Variants in MCM5 observed in about 807,000 individuals in gnomAD.
MCM5 encodes the protein minichromosome maintenance complex component 5, also known as DNA replication licensing factor MCM5.
Under a neutral mutation model 79.9 loss-of-function variants are expected in MCM5, and 46 were observed. The observed-to-expected ratio is 0.58, with a 90% CI of 0.45 to 0.74. MCM5 has a LOEUF of 0.74. Among genes scored for constraint, MCM5 ranks in the 30% least tolerant of loss-of-function variants. MCM5 has a pLI of 0.00. For synonymous variants in MCM5, 404 were observed against 390.5 expected (o/e 1.03, Z -0.41); for missense variants, 883 against 1,017.0 (o/e 0.87, Z 1.79).
chr22:35,437,699 G>A, the MCM5 span, among the ~76,000 whole-genome samples: 779 of 152,208 alleles, frequency 5.1e-3, 32 homozygotes, highest in Admixed American at 0.046. Flanking sequence ...GCCATGAGTC[G>A]GGGTGTCACA....
At position 35,419,903 on chromosome 22, in the gene MCM5, T is replaced by C. The variant is rs773967568; in HGVS notation, c.1723T>C (p.Ser575Pro). The C allele has an allele frequency of 2.2e-5, 36 of 1,612,454 alleles. No individual in the cohort carries two copies. In the South Asian group the frequency reaches 3.9e-4, roughly 17 times the overall value. ...CTGCAGGAAGTGTGGCCCCCGGCTGTCAGCAGAGGCTGCAGAGAAACTGAA... is the reference window on the plus strand; with the variant it reads ...CTGCAGGAAGTGTGGCCCCCGGCTGCCAGCAGAGGCTGCAGAGAAACTGAA... The part of the protein sequence containing the change: ...YCRVKCGPRL[S>P]AEAAEKLKNR... Residue 575 changes from serine to proline, a missense_variant, in exon 14 of 17, where the codon TCA becomes CCA. Around this residue, in one of 3 missense-constraint regions of MCM5, gnomAD observed 426 missense variants for 482.3 expected, o/e 0.88. Coordinates refer to ENST00000216122, the MANE Select transcript of MCM5 (RefSeq NM_006739.4).
At chr22:35,411,038 G>A (rs1057463108) in intron 7 of MCM5, 128 bp downstream of exon 7, 11 of 818,124 alleles carry the variant, frequency 1.3e-5, no homozygotes, top group East Asian at 8.2e-5. Context: ...TCATTAGAAC[G>A]TTCATTTTTA....
downstream of MCM5, among the ~76,000 whole-genome samples, chr22:35,427,520 G>A (rs1351740943): frequency 3.3e-5 from 5 of 149,494 alleles, no homozygotes; most frequent in Non-Finnish European, 7.4e-5. Flanking sequence ...TGGCTTTCAA[G>A]GCCTTTATTT....
chr22:35,424,332 C>A lies in MCM5; in HGVS notation c.*77C>A. 2 of 1,061,806 alleles carry A rather than the reference C, an allele frequency of 1.9e-6. No homozygotes were observed. The highest frequency in any genetic ancestry group is 1.6e-5 in the South Asian group (1 of 63,752). The allele number at this position is 1,061,806 out of a possible 1,614,324, so 65.8% of individuals were successfully genotyped here. The stretch of plus-strand genomic sequence containing the variant: ...CCGCTGCCTGCCATTGACAATGTTG[C>A]TGGGACCTCTGCCTCCCCACTGCAG... On this transcript the variant is annotated 3_prime_UTR_variant, in exon 17 of 17. Transcript: ENST00000216122.
At chr22:35,439,368 TATTC>T in the MCM5 span, among the ~76,000 whole-genome samples, 15 of 143,986 alleles carry the variant, frequency 1.0e-4, no homozygotes, top group Non-Finnish European at 2.1e-4. Flanking sequence ...TTCACCCACA[TATTC>T]ATCCATCTAT....
intron 14 of MCM5, among the ~76,000 whole-genome samples, chr22:35,420,302 C>A (rs1274464436): frequency 6.6e-6 from 1 of 152,200 alleles, no homozygotes. Context: ...GCCTGGGAGT[C>A]AAGAGTCTTG....
At chr22:35,436,182 AAG>A in the MCM5 span, among the ~76,000 whole-genome samples, 4 of 151,298 alleles carry the variant, frequency 2.6e-5, no homozygotes, top group African/African-American at 9.7e-5. Flanking sequence ...AAAAAAAAAA[AAG>A]AAAAAAAGAA....
At chr22:35,403,941 C>A (rs75216270) in intron 4 of MCM5, among the ~76,000 whole-genome samples, 10 of 146,582 alleles carry the variant, frequency 6.8e-5, no homozygotes, top group African/African-American at 1.0e-4. Flanking sequence ...AAAAACAAAA[C>A]AAAAAAAAAA....
At chr22:35,419,825 G>T (rs1369152110) in intron 13 of MCM5, 59 bp from the exon 14 acceptor site, 13 of 1,529,090 alleles carry the variant, frequency 8.5e-6, no homozygotes, top group Non-Finnish European at 8.8e-6. Flanking sequence ...TGGGGGAAAG[G>T]GTAGGTGCCC....
intron 5 of MCM5, among the ~76,000 whole-genome samples, chr22:35,407,051 A>G (rs536284656): frequency 6.6e-6 from 1 of 152,330 alleles, no homozygotes; most frequent in South Asian, 2.1e-4. Context: ...TCACTAGGCC[A>G]GATCTAGCCT....
intron 2 of MCM5, among the ~76,000 whole-genome samples, chr22:35,402,235 C>T (rs951196930): frequency 2.0e-5 from 3 of 151,700 alleles, no homozygotes; most frequent in African/African-American, 7.3e-5. Context: ...GAAACCCAGG[C>T]TCTATTTAAA....
At position 35,413,870 on chromosome 22, in the gene MCM5, C is replaced by T. The variant is rs1315318574; in HGVS notation, c.1092-5C>T. On this transcript the variant is annotated splice_region_variant and splice_polypyrimidine_tract_variant and intron_variant, in intron 8 of 16. Transcript: ENST00000216122. ...CACCTTGTCCATCTACCCTTCGTCC[C>T]CCAGGCTCCCTGATGGACTTACTCG... The T allele has an allele frequency of 5.1e-6, 8 of 1,576,966 alleles. No individual in the cohort carries two copies. Among genetic ancestry groups the T allele is most frequent in the Middle Eastern group, 3.3e-4 (2 of 6,032 alleles).
Position 35,419,896 on chromosome 22 carries a change from C to T in MCM5, c.1716C>T (p.Pro572=). 2 of 1,612,164 alleles carry T rather than the reference C, an allele frequency of 1.2e-6. No homozygotes were observed. Among genetic ancestry groups the T allele is most frequent in the Middle Eastern group, 1.7e-4 (1 of 6,056 alleles). ...FIAYCRVKCG[P]RLSAEAAEKL... ...CACTGTCCTGCAGGAAGTGTGGCCC[C>T]CGGCTGTCAGCAGAGGCTGCAGAGA... is the stretch of plus-strand genomic sequence containing the variant. Residue 572 remains proline (P), a synonymous_variant, in exon 14 of 17, where the codon CCC becomes CCT. Coordinates refer to ENST00000216122, the MANE Select transcript of MCM5 (RefSeq NM_006739.4).
the MCM5 span, among the ~76,000 whole-genome samples, chr22:35,446,804 C>G: frequency 6.8e-6 from 1 of 147,498 alleles, no homozygotes; most frequent in Non-Finnish European, 1.5e-5. Context: ...GCATCTTCAT[C>G]ACCCAAATCC....
chr22:35,414,118 G>T, intron 9 of MCM5, 132 bp downstream of exon 9: 1 of 634,364 alleles, frequency 1.6e-6, no homozygotes. Context: ...TCTTGGCTGC[G>T]GTCAGGATGG....
chr22:35,425,378 G>C lies in MCM5; in HGVS notation c.*1123G>C, dbSNP rs1049079105. 1 of 152,170 alleles carries C rather than the reference G, an allele frequency of 6.6e-6. No homozygotes were observed. The highest frequency in any genetic ancestry group is 1.5e-5 in the Non-Finnish European group (1 of 68,032). 9.4% of individuals were successfully genotyped at this position (152,170 alleles called of 1,614,324 possible). On this transcript the variant is annotated 3_prime_UTR_variant, in exon 17 of 17. Transcript: ENST00000216122. Reference sequence around the variant, plus strand: ...AGTAATTGCCATGTAAAAATGACACGAACTTGAAGTAAGATTATTTGATTT... The same window carrying C: ...AGTAATTGCCATGTAAAAATGACACCAACTTGAAGTAAGATTATTTGATTT...
intron 6 of MCM5, 140 bp downstream of exon 6, chr22:35,408,703 GTGC>G: frequency 1.2e-6 from 1 of 818,922 alleles, no homozygotes; most frequent in Non-Finnish European, 1.9e-6. Flanking sequence ...CACCTGCTCT[GTGC>G]CTAATGCTTC....
At chr22:35,400,402 C>T in intron 1 of MCM5, 29 bp from the exon 2 acceptor site, 2 of 1,613,422 alleles carry the variant, frequency 1.2e-6, no homozygotes, top group South Asian at 1.1e-5. Context: ...CTGCCCCCAG[C>T]CTGTTCTGGC....
the MCM5 span, among the ~76,000 whole-genome samples, chr22:35,438,935 C>CTA: frequency 6.7e-6 from 1 of 149,660 alleles, no homozygotes; most frequent in African/African-American, 2.5e-5. Flanking sequence ...ATCCATCCAT[C>CTA]CATTCATCCA....
Sources: allele counts gnomAD v4.1 joint callset (sites outside exome capture counted in the v4.1 genomes callset), GRCh38; gene constraint gnomAD v4.1.1; regional missense constraint gnomAD v4.1.1; transcripts MANE v1.5; gene names NCBI Gene and HGNC (gene_info 2026-07-23, HGNC 2026-07-21).